Variants in RARS2 observed in about 807,000 individuals in gnomAD.
RARS2 encodes probable arginine--tRNA ligase, mitochondrial.
Under a neutral mutation model 88.5 loss-of-function variants are expected in RARS2, and 67 were observed. The ratio of observed to expected loss-of-function variants is 0.76; its 90% confidence interval spans 0.62 to 0.93. The LOEUF is 0.93. Ranked by LOEUF, RARS2 falls within the 40% of genes least tolerant of loss-of-function variation. RARS2 has a pLI of 0.00. For synonymous variants in RARS2, 239 were observed against 230.3 expected, an observed-to-expected ratio of 1.04 and a Z score of -0.34; for missense variants, 664 against 684.2, an observed-to-expected ratio of 0.97 and a Z score of 0.33.
chr6:87,555,545 C>A (rs377268053), intron 4 of RARS2, 40 bp from the exon 5 acceptor site: 8 of 1,441,758 alleles, frequency 5.5e-6, no homozygotes, highest in Non-Finnish European at 7.8e-6. Context: ...ACAAAAATTA[C>A]AATGCTTTTA....
At position 87,518,168 on chromosome 6, in the gene RARS2, C is replaced by T. The variant is rs1772453347; in HGVS notation, c.1511+1G>A. On this transcript the variant is annotated splice_donor_variant, in intron 17 of 19. Coordinates refer to ENST00000369536, the MANE Select transcript of RARS2 (RefSeq NM_020320.5). LOFTEE classifies it high-confidence loss of function. ...TTGATGATCCCTGGAAAACATCATA[C>T]CTGAGAAGATGCTGAAGAATTGAAA... 2 of 1,614,102 alleles carry T rather than the reference C, an allele frequency of 1.2e-6. No homozygotes were observed. Among genetic ancestry groups the T allele is most frequent in the Non-Finnish European group, 1.7e-6 (2 of 1,180,012 alleles).
intron 7 of RARS2, among the ~76,000 whole-genome samples, chr6:87,543,917 A>G (rs974113018): frequency 2.0e-5 from 3 of 152,192 alleles, no homozygotes; most frequent in African/African-American, 7.2e-5. Flanking sequence ...AAAATGGGAA[A>G]AGTAAGGGCC....
In RARS2 at chr6:87,589,937, G is replaced by T. The variant is rs777933681; in HGVS notation, c.21C>A (p.Arg7=). The T allele has an allele frequency of 1.2e-6, 2 of 1,614,186 alleles. No individual in the cohort carries two copies. Among genetic ancestry groups the T allele is most frequent in the Non-Finnish European group, 1.7e-6 (2 of 1,180,036 alleles). The change falls in exon 1 of 20, where the codon CGC becomes CGA. Residue 7 remains arginine (R), a synonymous_variant. Coordinates refer to ENST00000369536, the MANE Select transcript of RARS2 (RefSeq NM_020320.5). ...GGATCCATACCTGGCAAGCAATAGC[G>T]CGGCGAAAGCCGCACGCCATGTCCA... MACGFR[R]AIACQLSRVL...
At chr6:87,515,476 C>A (rs1051198631) in intron 18 of RARS2, among the ~76,000 whole-genome samples, 1 of 151,492 alleles carries the variant, frequency 6.6e-6, no homozygotes, top group Non-Finnish European at 1.5e-5. Context: ...GCCGAGATCA[C>A]GCCACTGCAC....
At chr6:87,575,278 C>CACACACACACACACACACACA in intron 1 of RARS2, among the ~76,000 whole-genome samples, 1 of 139,536 alleles carries the variant, frequency 7.2e-6, no homozygotes, top group African/African-American at 2.6e-5. Context: ...CACACACACA[C>CACACACACACACACACACACA]CTTGGCTTCT....
chr6:87,556,014 T>C (rs575090489), intron 4 of RARS2, among the ~76,000 whole-genome samples: 246 of 152,296 alleles, frequency 1.6e-3, no homozygotes, highest in Non-Finnish European at 2.7e-3. Context: ...GAAAAGAACT[T>C]TTCCACTTCA....
intron 8 of RARS2, among the ~76,000 whole-genome samples, chr6:87,536,421 G>C (rs953344131): frequency 2.0e-5 from 3 of 152,178 alleles, no homozygotes; most frequent in African/African-American, 7.2e-5. Context: ...CGGATCACAA[G>C]GTCAGGAGTT....
chr6:87,520,947 A>C (rs1163337913), intron 12 of RARS2, among the ~76,000 whole-genome samples: 1 of 152,220 alleles, frequency 6.6e-6, no homozygotes, highest in Non-Finnish European at 1.5e-5. Flanking sequence ...GAATCTATAC[A>C]TGTGATAAAG....
chr6:87,582,043 T>G (rs879037957), intron 1 of RARS2, among the ~76,000 whole-genome samples: 3 of 152,200 alleles, frequency 2.0e-5, no homozygotes, highest in African/African-American at 7.2e-5. Flanking sequence ...TCTTTGCTAT[T>G]GTGAATAGTG....
In RARS2 at chr6:87,589,928, A is replaced by G. The variant is rs751928232; in HGVS notation, c.30T>C (p.Ala10=). 1.9e-6 allele frequency: 3 copies of G among 1,614,210 alleles called. No individual in the cohort carries two copies. Among genetic ancestry groups the G allele is most frequent in the South Asian group, 2.2e-5 (2 of 91,086 alleles). The part of the protein sequence containing the change: MACGFRRAI[A]CQLSRVLNLP... ...CGCGCTCCGGGATCCATACCTGGCA[A>G]GCAATAGCGCGGCGAAAGCCGCACG... Residue 10 remains alanine (A), a synonymous_variant, in exon 1 of 20, where the codon GCT becomes GCC. Transcript: ENST00000369536.
chr6:87,573,617 A>AT (rs1325405184), intron 1 of RARS2, among the ~76,000 whole-genome samples: 1 of 152,166 alleles, frequency 6.6e-6, no homozygotes, highest in East Asian at 1.9e-4. Flanking sequence ...AATGTACCTA[A>AT]TGCCACTGAA....
At chr6:87,548,538 C>A in intron 6 of RARS2, 53 bp downstream of exon 6, 1 of 1,541,440 alleles carries the variant, frequency 6.5e-7, no homozygotes, top group South Asian at 1.1e-5. Flanking sequence ...ATTGAACTAT[C>A]AAATACTTCC....
intron 8 of RARS2, among the ~76,000 whole-genome samples, chr6:87,541,219 C>CA (rs1780846450): frequency 6.6e-6 from 1 of 152,110 alleles, no homozygotes; most frequent in South Asian, 2.1e-4. Context: ...CTCTGTTGTC[C>CA]AGGCTGGAGT....
intron 9 of RARS2, among the ~76,000 whole-genome samples, chr6:87,530,014 C>T (rs1267201954): frequency 6.6e-6 from 1 of 152,082 alleles, no homozygotes; most frequent in African/African-American, 2.4e-5. Context: ...GCCCAAGTGA[C>T]AATCTATACT....
At chr6:87,582,020 G>A (rs879005482) in intron 1 of RARS2, among the ~76,000 whole-genome samples, 1 of 152,078 alleles carries the variant, frequency 6.6e-6, no homozygotes, top group Non-Finnish European at 1.5e-5. Flanking sequence ...TGGGCATTTG[G>A]GTTGATTCCA....
rs5878038 is a variant in RARS2 at position 87,583,589 on chromosome 6, C to CAA, written c.36+6331_36+6332dup. ...GGGCAACAAGAACAAAACTGCGTCT[C>CAA]AAAAAAAAAAAAAACAGAACCAGCT... is the stretch of plus-strand genomic sequence containing the variant. On this transcript the variant is annotated intron_variant, in intron 1 of 19. Transcript: ENST00000369536. Among the ~76,000 whole-genome samples the CAA allele has an allele frequency of 1.2e-3, 147 of 125,452 alleles. 2 individuals are homozygous for CAA. In the South Asian group the frequency reaches 0.02, roughly 17 times the overall value. The allele number at this position is 125,452 out of a possible 152,430, so 82.3% of individuals were successfully genotyped here.
At chr6:87,574,303 T>C (rs1044852139) in intron 1 of RARS2, among the ~76,000 whole-genome samples, 4 of 152,186 alleles carry the variant, frequency 2.6e-5, no homozygotes, top group African/African-American at 9.7e-5. Flanking sequence ...AAAAATTTAA[T>C]ATACCATGTC....
At chr6:87,519,011 T>C (rs896630672) in intron 14 of RARS2, 120 bp from the exon 15 acceptor site, 6 of 979,318 alleles carry the variant, frequency 6.1e-6, no homozygotes, top group South Asian at 2.6e-5. Context: ...TCAGAATGAG[T>C]AATTACTTGC....
At chr6:87,521,179 A>G (rs1773708363) in intron 12 of RARS2, among the ~76,000 whole-genome samples, 1 of 152,230 alleles carries the variant, frequency 6.6e-6, no homozygotes, top group Non-Finnish European at 1.5e-5. Flanking sequence ...AGCCCAAATC[A>G]GAATTGAAAA....
Sources: allele counts gnomAD v4.1 joint callset (sites outside exome capture counted in the v4.1 genomes callset), GRCh38; gene constraint gnomAD v4.1.1; transcripts MANE v1.5; gene names NCBI Gene and HGNC (gene_info 2026-07-23, HGNC 2026-07-21).